Variants in CLEC2L observed in about 807,000 individuals in gnomAD.
The protein encoded by CLEC2L is C-type lectin domain family 2, member L.
Under a neutral mutation model 23.6 loss-of-function variants are expected in CLEC2L, and 14 were observed. The observed-to-expected ratio is 0.59, with a 90% CI of 0.39 to 0.93. CLEC2L has a LOEUF of 0.93. Ranked by LOEUF, CLEC2L falls within the 40% of genes least tolerant of loss-of-function variation. The pLI is 0.00. For synonymous variants in CLEC2L, 114 were observed against 121.3 expected (o/e 0.94, Z 0.40); for missense variants, 264 against 282.4 (o/e 0.93, Z 0.47).
At chr7:139,538,449 AACAAAAAACAAAAAAAG>A in intron 2 of CLEC2L, among the ~76,000 whole-genome samples, 1 of 147,316 alleles carries the variant, frequency 6.8e-6, no homozygotes, top group African/African-American at 2.5e-5. Context: ...AAAAACAAAA[AACAAAAAACAAAAAAAG>A]GTCCGGGCGT....
At chr7:139,535,236 G>A (rs917312225) in intron 1 of CLEC2L, among the ~76,000 whole-genome samples, 13 of 152,214 alleles carry the variant, frequency 8.5e-5, no homozygotes, top group African/African-American at 2.4e-4. Context: ...GTGACAACAT[G>A]GATGAGCCTT....
intron 1 of CLEC2L, 107 bp downstream of exon 1, chr7:139,524,224 C>G (rs1797472911): frequency 1.0e-6 from 1 of 978,598 alleles, no homozygotes; most frequent in African/African-American, 1.8e-5. Context: ...CGGAGGGGAG[C>G]GCTGGGAGCG....
In CLEC2L at chr7:139,523,937, G is replaced by A; in HGVS notation, c.10G>A (p.Ala4Thr). The A allele has an allele frequency of 1.0e-6, 1 of 975,550 alleles. No homozygotes were observed. Among genetic ancestry groups the A allele is most frequent in the Non-Finnish European group, 1.2e-6 (1 of 824,340 alleles). The allele number at this position is 975,550 out of a possible 1,614,324, so 60.4% of individuals were successfully genotyped here. A position where few individuals can be genotyped will look rare whatever the true frequency, so the allele number is the denominator to read the frequency against. ...CGGCGGAGCGCCCCGCATGGAGCCG[G>A]CCCGGGAGCCCCCCTCGCGGGCCCG... MEP[A>T]REPPSRARPP... Residue 4 changes from alanine to threonine, a missense_variant, in exon 1 of 5, where the codon GCC becomes ACC. Coordinates refer to ENST00000422142, the MANE Select transcript of CLEC2L (RefSeq NM_001080511.4). The surrounding 1 kb of genome is among the most constrained non-coding windows in gnomAD (Gnocchi z 4.1).
chr7:139,524,907 T>A, intron 1 of CLEC2L, among the ~76,000 whole-genome samples: 1 of 151,984 alleles, frequency 6.6e-6, no homozygotes, highest in East Asian at 1.9e-4. Context: ...GGAGCCTGGA[T>A]CACCCATCCT....
chr7:139,541,012 T>C (rs1011483588), intron 3 of CLEC2L, among the ~76,000 whole-genome samples: 2 of 152,150 alleles, frequency 1.3e-5, no homozygotes, highest in African/African-American at 4.8e-5. Context: ...AGCAAGACTT[T>C]GTCTCTCTTT....
At position 139,524,049 on chromosome 7, in the gene CLEC2L, C is replaced by T. The variant is rs1435639260; in HGVS notation, c.122C>T (p.Pro41Leu). The change falls in exon 1 of 5, where the codon CCC (proline) becomes CTC (leucine). Residue 41 changes from proline (P) to leucine (L), a missense_variant. By Grantham distance (98) the Pro-to-Leu change is moderately conservative. Transcript: ENST00000422142. ...RSPAEAEARG[P>L]EGLLRRSGSG... is the part of the protein sequence containing the mutation. ...CCCGCAGAGGCTGAGGCCCGCGGCC[C>T]CGAGGGGCTGCTGCGGCGATCCGGG... 51 of 1,213,388 alleles carry T rather than the reference C, an allele frequency of 4.2e-5. No individual in the cohort carries two copies. The highest frequency in any genetic ancestry group is 5.2e-5 in the Non-Finnish European group (51 of 974,760). 75.2% of individuals were successfully genotyped at this position (1,213,388 alleles called of 1,614,324 possible).
chr7:139,542,068 C>T lies in CLEC2L; in HGVS notation c.480C>T (p.Arg160=), dbSNP rs1030492723. The T allele has an allele frequency of 1.2e-6, 2 of 1,613,124 alleles. No homozygotes were observed. The highest frequency in any genetic ancestry group is 3.3e-5 in the Admixed American group (2 of 59,900). The change falls in exon 4 of 5, where the codon CGC becomes CGT. Residue 160 remains arginine (R), a synonymous_variant. Transcript: ENST00000422142. ...FTRREPWIGL[R]RVGDEFHWVN... ...GGAGGGAGCCCTGGATTGGACTACG[C>T]AGAGTTGGGGACGAATTCCACTGGG... is the stretch of plus-strand genomic sequence containing the variant.
chr7:139,531,497 G>A (rs1430667924), intron 1 of CLEC2L, among the ~76,000 whole-genome samples: 1 of 152,104 alleles, frequency 6.6e-6, no homozygotes, highest in East Asian at 1.9e-4. Context: ...GCAAACAAGA[G>A]GGGAAAATAA....
rs1326640903 is a variant in CLEC2L at position 139,523,754 on chromosome 7, C to T, written c.-174C>T. 1 of 265,828 alleles carries T rather than the reference C, an allele frequency of 3.8e-6. No individual in the cohort carries two copies. The highest frequency in any genetic ancestry group is 5.8e-6 in the Non-Finnish European group (1 of 173,448). The allele number at this position is 265,828 out of a possible 1,614,324, so 16.5% of individuals were successfully genotyped here. On this transcript the variant is annotated 5_prime_UTR_variant, in exon 1 of 5. Transcript: ENST00000422142. The surrounding 1 kb of genome is among the most constrained non-coding windows in gnomAD (Gnocchi z 4.1). The stretch of plus-strand genomic sequence containing the variant: ...GAGCGCACCGCGGCGGCACCCGGCG[C>T]AGAGGCTCCAGCGCGGGGAGCCGGG...
At chr7:139,527,901 C>T (rs182724772) in intron 1 of CLEC2L, among the ~76,000 whole-genome samples, 1 of 152,296 alleles carries the variant, frequency 6.6e-6, no homozygotes, top group East Asian at 1.9e-4. Context: ...CAAGATTATG[C>T]TTGCCAGGCT....
Position 139,523,998 on chromosome 7 carries a change from C to T in CLEC2L, c.71C>T (p.Ala24Val). The T allele has an allele frequency of 2.8e-6, 3 of 1,053,614 alleles. No individual in the cohort carries two copies. The highest frequency in any genetic ancestry group is 3.4e-6 in the Non-Finnish European group (3 of 873,344). 65.3% of individuals were successfully genotyped at this position (1,053,614 alleles called of 1,614,324 possible). ...PPPLAARPAP[A>V]PAAPRPRSPA... ...CCCCTCGCCGCGCGCCCCGCGCCCG[C>T]CCCCGCCGCCCCCAGGCCGCGTTCG... is the stretch of plus-strand genomic sequence containing the variant. The change falls in exon 1 of 5, where the codon GCC (alanine) becomes GTC (valine). Residue 24 changes from alanine to valine, a missense_variant. Physicochemically the swap from Ala to Val is moderately conservative, Grantham distance 64. Transcript: ENST00000422142. The surrounding 1 kb of genome is among the most constrained non-coding windows in gnomAD (Gnocchi z 4.1).
At chr7:139,541,712 G>A (rs970289739) in intron 3 of CLEC2L, among the ~76,000 whole-genome samples, 20 of 152,234 alleles carry the variant, frequency 1.3e-4, no homozygotes, top group Admixed American at 1.2e-3. Context: ...GTCCTGCTGA[G>A]CCAGGAGGAC....
At chr7:139,541,523 A>G (rs1236664001) in intron 3 of CLEC2L, among the ~76,000 whole-genome samples, 1 of 152,254 alleles carries the variant, frequency 6.6e-6, no homozygotes, top group Admixed American at 6.5e-5. Context: ...GGTATTAACC[A>G]AAATAGAAGA....
intron 1 of CLEC2L, among the ~76,000 whole-genome samples, chr7:139,535,227 T>G (rs1411641872): frequency 6.6e-6 from 1 of 152,238 alleles, no homozygotes; most frequent in Non-Finnish European, 1.5e-5. Context: ...CTGACATGTG[T>G]GACAACATGG....
At chr7:139,534,740 TTTTTC>T (rs1484618708) in intron 1 of CLEC2L, among the ~76,000 whole-genome samples, 2 of 151,742 alleles carry the variant, frequency 1.3e-5, no homozygotes, top group Admixed American at 1.3e-4. Context: ...GCCCCCTCTT[TTTTTC>T]TTTTCTTCCT....
chr7:139,540,318 C>T lies in CLEC2L; in HGVS notation c.266-3C>T. The T allele has an allele frequency of 6.2e-7, 1 of 1,605,400 alleles. No individual in the cohort carries two copies. Among genetic ancestry groups the T allele is most frequent in the Admixed American group, 1.7e-5 (1 of 59,156 alleles). ...CAGGGCCGAGCTGGTCTCTTCCCTG[C>T]AGCTTCCAAGGGCTGCATCAAGTGC... On this transcript the variant is annotated splice_polypyrimidine_tract_variant and splice_region_variant and intron_variant, in intron 2 of 4. Transcript: ENST00000422142. The surrounding 1 kb of genome is among the most constrained non-coding windows in gnomAD (Gnocchi z 5.8).
chr7:139,542,358 C>T (rs1017789363), intron 4 of CLEC2L, among the ~76,000 whole-genome samples: 2 of 152,198 alleles, frequency 1.3e-5, no homozygotes, highest in Admixed American at 6.5e-5. Context: ...CAGAGCTTCG[C>T]GGTGTCCGGC....
At chr7:139,532,452 G>A (rs900819914) in intron 1 of CLEC2L, among the ~76,000 whole-genome samples, 1 of 152,178 alleles carries the variant, frequency 6.6e-6, no homozygotes, top group African/African-American at 2.4e-5. Context: ...TCAGGCTGCC[G>A]GTGTGGGGAG....
intron 1 of CLEC2L, among the ~76,000 whole-genome samples, chr7:139,535,829 G>A (rs535800239): frequency 1.3e-3 from 199 of 152,308 alleles, no homozygotes; most frequent in Admixed American, 4.9e-3. Context: ...ACCTGCGACC[G>A]CATAGAGAAG....
Sources: allele counts gnomAD v4.1 joint callset (sites outside exome capture counted in the v4.1 genomes callset), GRCh38; gene constraint gnomAD v4.1.1; non-coding constraint Gnocchi (gnomAD v3.1); transcripts MANE v1.5; gene names NCBI Gene and HGNC (gene_info 2026-07-23, HGNC 2026-07-21).